The following PCDH7 variants were observed in gnomAD, a reference collection of about 807,000 sequenced individuals.
PCDH7 encodes protocadherin-7.
In PCDH7, 17 loss-of-function variants were observed where a neutral mutation model predicts 58.9. The ratio of observed to expected loss-of-function variants is 0.29; its 90% CI spans 0.20 to 0.43. The LOEUF is 0.43. Among genes scored for constraint, PCDH7 ranks in the 20% least tolerant of loss-of-function variants. The pLI, the probability that PCDH7 is intolerant of heterozygous loss-of-function variation, is 1.00. For synonymous variants in PCDH7, 664 were observed against 616.4 expected (o/e 1.08, Z -1.14); for missense variants, 1,274 against 1,441.0 (o/e 0.88, Z 1.88).
At chr4:31,005,686 G>T (rs531602074) in intron 3 of PCDH7, among the ~76,000 whole-genome samples, 1 of 152,308 alleles carries the variant, frequency 6.6e-6, no homozygotes, top group South Asian at 2.1e-4. Flanking sequence ...GTGGAAACAG[G>T]TTGAGTTTAT....
intron 1 of PCDH7, chr4:30,730,648 C>A: frequency 1.4e-6 from 1 of 739,456 alleles, no homozygotes; most frequent in Non-Finnish European, 2.2e-6. Context: ...TTTTTCTTAG[C>A]TCCGAAATCT....
intron 1 of PCDH7, among the ~76,000 whole-genome samples, chr4:30,905,961 T>C (rs1740866936): frequency 6.6e-6 from 1 of 152,158 alleles, no homozygotes; most frequent in Non-Finnish European, 1.5e-5. Flanking sequence ...GTTTCAGAGG[T>C]AGGGAAGATT....
intron 1 of PCDH7, among the ~76,000 whole-genome samples, chr4:30,745,949 C>T (rs962633040): frequency 1.3e-5 from 2 of 152,154 alleles, no homozygotes; most frequent in African/African-American, 2.4e-5. Flanking sequence ...AAGTGATTCT[C>T]CTGCCTCAGC....
chr4:31,013,803 T>C (rs1418215652), intron 3 of PCDH7, among the ~76,000 whole-genome samples: 1 of 152,104 alleles, frequency 6.6e-6, no homozygotes. Flanking sequence ...CATTCTATAA[T>C]TTACATATAG....
chr4:30,934,366 G>A (rs970358447), intron 2 of PCDH7, among the ~76,000 whole-genome samples: 3 of 152,080 alleles, frequency 2.0e-5, no homozygotes, highest in Non-Finnish European at 4.4e-5. Context: ...CAAAGTACAG[G>A]ACTTCTGACT....
At chr4:31,094,678 C>T (rs2109290079) in intron 3 of PCDH7, among the ~76,000 whole-genome samples, 2 of 152,160 alleles carry the variant, frequency 1.3e-5, no homozygotes, top group South Asian at 4.1e-4. Flanking sequence ...TAGCAAAAAC[C>T]TGCCCTTCGT....
chr4:30,934,006 C>T (rs1399908724), intron 2 of PCDH7, among the ~76,000 whole-genome samples: 4 of 152,170 alleles, frequency 2.6e-5, no homozygotes, highest in Admixed American at 6.5e-5. Context: ...ATCAGTTTTT[C>T]CCCGTAAGCT....
chr4:30,779,729 G>A (rs1048585683), intron 1 of PCDH7, among the ~76,000 whole-genome samples: 2 of 152,070 alleles, frequency 1.3e-5, no homozygotes, highest in Non-Finnish European at 2.9e-5. Flanking sequence ...TTGCTTTTTA[G>A]TAGATCAAAC....
chr4:30,796,532 A>G (rs142969487), intron 1 of PCDH7, among the ~76,000 whole-genome samples: 232 of 152,326 alleles, frequency 1.5e-3, no homozygotes, highest in Non-Finnish European at 2.5e-3. Context: ...TTGATCTGAT[A>G]TTACAGTTTG....
chr4:30,776,304 T>C (rs1722062304), intron 1 of PCDH7: 1 of 152,242 alleles, frequency 6.6e-6, no homozygotes, highest in South Asian at 2.1e-4. Flanking sequence ...AATAAGACTC[T>C]GACCTGCAAA....
intron 3 of PCDH7, among the ~76,000 whole-genome samples, chr4:31,028,472 G>A (rs1754625766): frequency 6.6e-6 from 1 of 152,072 alleles, no homozygotes; most frequent in African/African-American, 2.4e-5. Flanking sequence ...GCAATATAGT[G>A]AGACCCTGCT....
At chr4:30,908,997 T>G (rs1311362510) in intron 1 of PCDH7, among the ~76,000 whole-genome samples, 5 of 152,154 alleles carry the variant, frequency 3.3e-5, no homozygotes, top group African/African-American at 7.2e-5. Context: ...CAAGTCAGCT[T>G]CATCCCTGGG....
At chr4:31,089,612 T>C (rs1191551240) in intron 3 of PCDH7, among the ~76,000 whole-genome samples, 1 of 152,044 alleles carries the variant, frequency 6.6e-6, no homozygotes, top group Non-Finnish European at 1.5e-5. Flanking sequence ...AAATTCCCAG[T>C]GTAGAAATAT....
At chr4:31,043,636 T>A (rs553317409) in intron 3 of PCDH7, among the ~76,000 whole-genome samples, 10 of 152,272 alleles carry the variant, frequency 6.6e-5, no homozygotes, top group African/African-American at 2.4e-4. Context: ...TGGGGTTTTT[T>A]GTTTGTTTGT....
At chr4:30,891,948 T>C (rs183783322) in intron 1 of PCDH7, among the ~76,000 whole-genome samples, 27 of 152,038 alleles carry the variant, frequency 1.8e-4, no homozygotes, top group African/African-American at 6.5e-4. Context: ...GACATGGATT[T>C]TACATAGTAT....
At chr4:31,118,223 T>C (rs1391741925) in intron 3 of PCDH7, among the ~76,000 whole-genome samples, 1 of 152,162 alleles carries the variant, frequency 6.6e-6, no homozygotes, top group Non-Finnish European at 1.5e-5. Context: ...TGTCCAGCAT[T>C]GTAAGAAAGT....
rs753067570 is a variant in PCDH7 at position 30,803,683 on chromosome 4, C to T, written c.70+79087C>T. Among the ~76,000 whole-genome samples the T allele has an allele frequency of 6.2e-4, 95 of 152,228 alleles. 1 individual carries two copies. Among genetic ancestry groups the T allele is most frequent in the Admixed American group, 1.3e-4 (2 of 15,286 alleles). ...TGAACTCTTGACTTAAAACCATCCT[C>T]CTGCCTTGGTGTCCCAAAGTGCTGG... is the stretch of plus-strand genomic sequence containing the variant. On this transcript the variant is annotated intron_variant, in intron 1 of 3. Coordinates refer to the PCDH7 transcript ENST00000509759.
intron 2 of PCDH7, among the ~76,000 whole-genome samples, chr4:30,942,921 G>T (rs1746225226): frequency 1.4e-5 from 2 of 148,110 alleles, no homozygotes. Flanking sequence ...TCCTGACTAT[G>T]CTACTCTTTA....
In PCDH7 at chr4:31,031,256, A is replaced by G. The variant is rs1397102505; in HGVS notation, c.*7+81041A>G. The stretch of plus-strand genomic sequence containing the variant: ...AGGGACATTGGCAATGTCTGGAGAC[A>G]TTTTTGTTTGTCACAACAACGGGGA... On this transcript the variant is annotated intron_variant, in intron 3 of 3. Coordinates refer to the PCDH7 transcript ENST00000509759. 2.0e-5 allele frequency among the ~76,000 whole-genome samples: 3 copies of G among 152,320 alleles called. No homozygotes were observed. The East Asian group carries it at 5.8e-4, about 29-fold the overall frequency.
Sources: allele counts gnomAD v4.1 joint callset (sites outside exome capture counted in the v4.1 genomes callset), GRCh38; gene constraint gnomAD v4.1.1; transcripts MANE v1.5; gene names NCBI Gene and HGNC (gene_info 2026-07-23, HGNC 2026-07-21).